CDK14: variants seen among roughly 807,000 people sequenced by gnomAD.
CDK14 encodes the protein cyclin-dependent kinase 14.
Under a neutral mutation model 60.7 loss-of-function variants are expected in CDK14, and 34 were observed. That is an observed-to-expected ratio of 0.56 (90% CI 0.43 to 0.75). The LOEUF (loss-of-function observed/expected upper bound fraction) is 0.75. CDK14 is among the 30% of genes least tolerant of loss of function. The pLI is 0.00. For synonymous variants in CDK14, 197 were observed against 203.7 expected (o/e 0.97, Z 0.28); for missense variants, 482 against 564.1 (o/e 0.85, Z 1.47).
intron 2 of CDK14, among the ~76,000 whole-genome samples, chr7:90,700,566 G>A (rs1477907599): frequency 1.3e-5 from 2 of 152,094 alleles, no homozygotes; most frequent in African/African-American, 2.4e-5. Flanking sequence ...GTGCTCCTAT[G>A]ATATTACAAA....
intron 6 of CDK14, among the ~76,000 whole-genome samples, chr7:90,863,922 T>A (rs1337785637): frequency 6.6e-6 from 1 of 152,122 alleles, no homozygotes; most frequent in Admixed American, 6.6e-5. Context: ...ACTTCAGCAT[T>A]TAACTGTGGA....
chr7:90,756,577 T>C (rs1316690829), intron 4 of CDK14, among the ~76,000 whole-genome samples: 1 of 152,262 alleles, frequency 6.6e-6, no homozygotes, highest in African/African-American at 2.4e-5. Context: ...CCTAGTTACC[T>C]GCTTTAAGAG....
intron 3 of CDK14, among the ~76,000 whole-genome samples, chr7:90,730,357 T>C (rs1802813801): frequency 6.6e-6 from 1 of 152,238 alleles, no homozygotes; most frequent in South Asian, 2.1e-4. Context: ...TTACAATCCT[T>C]TGGGTATATA....
At chr7:90,660,541 CCTG>C (rs1800847584) in intron 2 of CDK14, among the ~76,000 whole-genome samples, 1 of 152,000 alleles carries the variant, frequency 6.6e-6, no homozygotes, top group Admixed American at 6.6e-5. Flanking sequence ...TTCCTGGCAC[CCTG>C]CTAAGTGCAG....
At chr7:91,023,169 C>G (rs1435220369) in intron 10 of CDK14, among the ~76,000 whole-genome samples, 1 of 152,158 alleles carries the variant, frequency 6.6e-6, no homozygotes, top group Non-Finnish European at 1.5e-5. Flanking sequence ...ATAGCACTAC[C>G]TTATTCCACA....
chr7:90,770,634 G>T (rs1441259632), intron 4 of CDK14, among the ~76,000 whole-genome samples: 1 of 152,188 alleles, frequency 6.6e-6, no homozygotes, highest in African/African-American at 2.4e-5. Context: ...TCTGGAGTCT[G>T]CTGTCTTTCC....
intron 13 of CDK14, among the ~76,000 whole-genome samples, chr7:91,114,946 T>G (rs1395772552): frequency 8.5e-5 from 13 of 152,206 alleles, no homozygotes; most frequent in African/African-American, 3.1e-4. Context: ...TAGGTTAGTA[T>G]TCTGCAGAGT....
At chr7:90,824,553 G>A (rs1158423897) in intron 5 of CDK14, 3 of 152,172 alleles carry the variant, frequency 2.0e-5, no homozygotes, top group Non-Finnish European at 2.9e-5. Flanking sequence ...ATATCAAGGA[G>A]GGGAAATCAT....
In CDK14 at chr7:90,924,101, TA is replaced by T. The variant is rs1312229946; in HGVS notation, c.826+6384del. On this transcript the variant is annotated intron_variant, in intron 8 of 14. Transcript: ENST00000380050. ...TAACTAAATCTGGGTGATTTATAAA[TA>T]AAAAAATTATGTCTTATAGAGGCTA... Among the ~76,000 whole-genome samples the T allele has an allele frequency of 2.6e-5, 4 of 152,314 alleles. No homozygotes were observed. In the South Asian group the frequency reaches 6.2e-4, roughly 24 times the overall value.
At chr7:90,603,896 T>G (rs976833325) in intron 1 of CDK14, among the ~76,000 whole-genome samples, 1 of 152,222 alleles carries the variant, frequency 6.6e-6, no homozygotes, top group Non-Finnish European at 1.5e-5. Flanking sequence ...TTAAGATTAC[T>G]TCGTGATTCT....
chr7:90,625,278 C>G (rs1461229430), intron 2 of CDK14, among the ~76,000 whole-genome samples: 1 of 152,064 alleles, frequency 6.6e-6, no homozygotes, highest in African/African-American at 2.4e-5. Flanking sequence ...AGTGCAAGGC[C>G]GAAGTGAGCT....
chr7:91,085,906 T>C (rs1798624900), intron 12 of CDK14, among the ~76,000 whole-genome samples: 2 of 152,220 alleles, frequency 1.3e-5, no homozygotes, highest in South Asian at 2.1e-4. Context: ...TCTAGGTCTG[T>C]GCTGACAAAT....
chr7:90,709,524 G>C (rs1413062602), intron 2 of CDK14: 1 of 1,612,046 alleles, frequency 6.2e-7, no homozygotes, highest in African/African-American at 1.3e-5. Context: ...AGTGTGTTGT[G>C]AATTGCCTTG....
intron 8 of CDK14, among the ~76,000 whole-genome samples, chr7:90,929,911 A>G (rs984974991): frequency 2.0e-5 from 3 of 152,160 alleles, no homozygotes; most frequent in African/African-American, 4.8e-5. Context: ...TCCAATTTCA[A>G]TGTTTGTTGT....
At chr7:90,630,734 A>T (rs1444748923) in intron 2 of CDK14, among the ~76,000 whole-genome samples, 1 of 152,130 alleles carries the variant, frequency 6.6e-6, no homozygotes, top group Admixed American at 6.5e-5. Context: ...CCTTATTCTA[A>T]ATTATCCAAT....
chr7:90,874,382 A>T (rs1791478261), intron 6 of CDK14, among the ~76,000 whole-genome samples: 1 of 151,804 alleles, frequency 6.6e-6, no homozygotes, highest in East Asian at 1.9e-4. Flanking sequence ...TGTTTCTGTT[A>T]AGCTATTTCT....
intron 8 of CDK14, among the ~76,000 whole-genome samples, chr7:90,937,434 T>A (rs779434860): frequency 3.9e-5 from 6 of 152,308 alleles, no homozygotes; most frequent in Non-Finnish European, 8.8e-5. Context: ...CACAATCAAG[T>A]TTTGTAGAAC....
chr7:90,729,147 C>T (rs529095273), intron 3 of CDK14, among the ~76,000 whole-genome samples: 20 of 151,326 alleles, frequency 1.3e-4, no homozygotes, highest in Non-Finnish European at 2.2e-4. Flanking sequence ...AAATCTCTGG[C>T]GGGACTAGGA....
In CDK14 at chr7:90,785,643, T is replaced by C. The variant is rs189264457; in HGVS notation, c.465-4930T>C. 4.2e-3 allele frequency among the ~76,000 whole-genome samples: 640 copies of C among 151,924 alleles called. 2 individuals carry two copies. The highest frequency in any genetic ancestry group is 7.1e-3 in the Non-Finnish European group (480 of 67,912). ...TACTAAAAATACAAAAAAAATTAGC[T>C]AGGCGTGGTGGTGGGCGCCTGTAGT... is the stretch of plus-strand genomic sequence containing the variant. On this transcript the variant is annotated intron_variant, in intron 4 of 14. Coordinates refer to ENST00000380050, the MANE Select transcript of CDK14 (RefSeq NM_001287135.2).
Sources: allele counts gnomAD v4.1 joint callset (sites outside exome capture counted in the v4.1 genomes callset), GRCh38; gene constraint gnomAD v4.1.1; transcripts MANE v1.5; gene names NCBI Gene and HGNC (gene_info 2026-07-23, HGNC 2026-07-21).